Variants in PCDHA1 observed in about 807,000 individuals in gnomAD.
The protein encoded by PCDHA1 is protocadherin alpha-1.
A neutral mutation model predicts 61.3 loss-of-function variants in PCDHA1; 42 were observed. The observed-to-expected ratio is 0.69, with a 90% confidence interval of 0.54 to 0.89. PCDHA1 has a LOEUF of 0.89. Among genes scored for constraint, PCDHA1 ranks in the 40% least tolerant of loss-of-function variants. The pLI is 0.00. For missense variants in PCDHA1, 1,256 were observed against 1,235.3 expected, an observed-to-expected ratio of 1.02 and a Z score of -0.25; for synonymous variants, 610 against 553.8, an observed-to-expected ratio of 1.10 and a Z score of -1.43.
At chr5:140,940,557 T>C (rs1554213484) in intron 1 of PCDHA1, among the ~76,000 whole-genome samples, 1 of 152,204 alleles carries the variant, frequency 6.6e-6, no homozygotes. Context: ...CAAGTGATTC[T>C]CCTACCTTGG....
chr5:140,842,836 G>A (rs2150345985), intron 1 of PCDHA1: 2 of 1,593,818 alleles, frequency 1.3e-6, no homozygotes, highest in East Asian at 2.2e-5. Context: ...GCTCGCTGTC[G>A]AGCTACATTT....
At chr5:140,839,740 A>T (rs1357885958) in intron 1 of PCDHA1, among the ~76,000 whole-genome samples, 1 of 152,020 alleles carries the variant, frequency 6.6e-6, no homozygotes, top group Non-Finnish European at 1.5e-5. Flanking sequence ...AAATACCCTT[A>T]TTTGCCTTTC....
In PCDHA1 at chr5:141,009,945, A is replaced by C. The variant is rs2098415489; in HGVS notation, c.*8A>C. 5.0e-6 allele frequency: 8 copies of C among 1,596,112 alleles called. No homozygotes were observed. The highest frequency in any genetic ancestry group is 6.8e-6 in the Non-Finnish European group (8 of 1,173,736). On this transcript the variant is annotated 3_prime_UTR_variant, in exon 4 of 4. Coordinates refer to ENST00000504120, the MANE Select transcript of PCDHA1 (RefSeq NM_018900.4). ...GACAACAGTGACCAGTGAGGTCCTCAAATGGAAACAAGCCACTTAGCCAGT... is the reference window on the plus strand; with the variant it reads ...GACAACAGTGACCAGTGAGGTCCTCCAATGGAAACAAGCCACTTAGCCAGT...
At chr5:140,871,429 C>T in intron 1 of PCDHA1, 1 of 1,613,216 alleles carries the variant, frequency 6.2e-7, no homozygotes, top group Admixed American at 1.7e-5. Context: ...CCCCAGTCTT[C>T]CTCTAGGTCT....
At chr5:140,795,566 A>G (rs1761970175) in intron 1 of PCDHA1, 2 of 1,614,212 alleles carry the variant, frequency 1.2e-6, no homozygotes, top group Admixed American at 1.7e-5. Flanking sequence ...AAATCGCTGG[A>G]CAGAGAGGAA....
intron 3 of PCDHA1, among the ~76,000 whole-genome samples, chr5:141,001,942 TAAG>T (rs140166770): frequency 0.017 from 2,515 of 151,936 alleles, 63 homozygotes; most frequent in African/African-American, 0.058. Context: ...TGAGCGGAAA[TAAG>T]GAGGAGGGAG....
In PCDHA1 at chr5:140,849,693, A is replaced by C. The variant is rs2150445321; in HGVS notation, c.2394+61009A>C. 85 of 1,598,584 alleles carry C rather than the reference A, an allele frequency of 5.3e-5. 3 individuals are homozygous for C. The East Asian group carries it at 1.1e-3, about 21-fold the overall frequency. On this transcript the variant is annotated intron_variant, in intron 1 of 3. Coordinates refer to ENST00000504120, the MANE Select transcript of PCDHA1 (RefSeq NM_018900.4). ...CCACGTCCCCTTCAAGCTGGTGTCC[A>C]CCTACAAGAATTACTACTCGTTGGT...
chr5:140,904,738 A>T (rs1373664313), intron 1 of PCDHA1, among the ~76,000 whole-genome samples: 1 of 152,012 alleles, frequency 6.6e-6, no homozygotes, highest in African/African-American at 2.4e-5. Context: ...TTATTTTTTT[A>T]TTATGACCAT....
chr5:140,787,920 C>T lies in PCDHA1; in HGVS notation c.1630C>T (p.Pro544Ser), dbSNP rs782073700. The T allele has an allele frequency of 9.9e-6, 16 of 1,613,630 alleles. No homozygotes were observed. Among genetic ancestry groups the T allele is most frequent in the Non-Finnish European group, 1.4e-5 (16 of 1,179,912 alleles). The change falls in exon 1 of 4, where the codon CCT (proline) becomes TCT (serine). Residue 544 changes from proline to serine, a missense_variant. By Grantham distance (74) the Pro-to-Ser change is moderately conservative (BLOSUM62 -1). Transcript: ENST00000504120. ...QVSARDAGVP[P>S]LGSNVTLQVF... ...GAGCGCGCGGGATGCGGGCGTGCCGCCTCTGGGCAGCAACGTGACGCTGCA... is the reference window on the plus strand; with the variant it reads ...GAGCGCGCGGGATGCGGGCGTGCCGTCTCTGGGCAGCAACGTGACGCTGCA...
chr5:140,908,967 G>A (rs1039870615), intron 1 of PCDHA1, among the ~76,000 whole-genome samples: 10 of 152,076 alleles, frequency 6.6e-5, no homozygotes, highest in African/African-American at 2.4e-4. Context: ...ATCTTGATAG[G>A]CCCCACTCCA....
In PCDHA1 at chr5:140,807,403, A is replaced by G. The variant is rs3822350; in HGVS notation, c.2394+18719A>G. 3.1e-5 allele frequency: 44 copies of G among 1,410,564 alleles called. 2 individuals carry two copies. Among genetic ancestry groups the G allele is most frequent in the Admixed American group, 1.4e-4 (7 of 49,960 alleles). The allele number at this position is 1,410,564 out of a possible 1,614,324, so 87.4% of individuals were successfully genotyped here. A position where few individuals can be genotyped will look rare whatever the true frequency, so the allele number is the denominator to read the frequency against. On this transcript the variant is annotated intron_variant, in intron 1 of 3. Coordinates refer to ENST00000504120, the MANE Select transcript of PCDHA1 (RefSeq NM_018900.4). ...TCCGGGTGGCGTCCAAGGGCCGCGGAGGCCTTCTGGAGGTAAATCTGCAGA... is the reference window on the plus strand; with the variant it reads ...TCCGGGTGGCGTCCAAGGGCCGCGGGGGCCTTCTGGAGGTAAATCTGCAGA...
chr5:140,797,405 T>C (rs782339098), intron 1 of PCDHA1: 1 of 1,539,834 alleles, frequency 6.5e-7, no homozygotes, highest in South Asian at 1.2e-5. Context: ...TTTAAAAAAT[T>C]CTATATGATT....
At chr5:140,861,589 T>C in intron 1 of PCDHA1, 2 of 373,158 alleles carry the variant, frequency 5.4e-6, no homozygotes, top group South Asian at 4.9e-5. Context: ...CATGTGGAGG[T>C]GAAAGTGAAG....
chr5:140,862,916 G>A, intron 1 of PCDHA1: 1 of 547,890 alleles, frequency 1.8e-6, no homozygotes, highest in Non-Finnish European at 3.5e-6. Context: ...CTGGCGCCTT[G>A]GGTGGGCTGG....
In PCDHA1 at chr5:140,842,728, G is replaced by A. The variant is rs2150343168; in HGVS notation, c.2394+54044G>A. 2 of 1,595,050 alleles carry A rather than the reference G, an allele frequency of 1.3e-6. 1 individual carries two copies. Reference sequence around the variant, plus strand: ...CGGTGTTCGTGAAGGAGAACAACCCGCCGGGCTGCCACATCTTCACGGTGT... The same window carrying A: ...CGGTGTTCGTGAAGGAGAACAACCCACCGGGCTGCCACATCTTCACGGTGT... On this transcript the variant is annotated intron_variant, in intron 1 of 3. Transcript: ENST00000504120.
Position 140,883,846 on chromosome 5 carries a change from G to A in PCDHA1, c.2395-95103G>A, listed in dbSNP as rs782516685. On this transcript the variant is annotated intron_variant, in intron 1 of 3. Coordinates refer to ENST00000504120, the MANE Select transcript of PCDHA1 (RefSeq NM_018900.4). ...ACGCGCTGCAGCCGTTGGACCACGA[G>A]GAGCTGGAGCTGTTGCAGTTCCAGG... is the stretch of plus-strand genomic sequence containing the variant. The A allele has an allele frequency of 6.8e-6, 11 of 1,612,790 alleles. 1 individual carries two copies. In the Admixed American group the frequency reaches 1.7e-4, roughly 24 times the overall value.
chr5:140,980,395 G>T (rs182782153), intron 2 of PCDHA1, among the ~76,000 whole-genome samples: 4 of 152,316 alleles, frequency 2.6e-5, no homozygotes, highest in Non-Finnish European at 5.9e-5. Context: ...ACTTTGGGAG[G>T]CCGAGGTGGG....
At chr5:140,842,919 T>A in intron 1 of PCDHA1, 1 of 1,594,538 alleles carries the variant, frequency 6.3e-7, no homozygotes, top group Non-Finnish European at 8.6e-7. Flanking sequence ...CTGCTGCAGT[T>A]CCAGGTGAGC....
At chr5:140,890,374 A>G (rs1045149611) in intron 1 of PCDHA1, among the ~76,000 whole-genome samples, 1 of 152,000 alleles carries the variant, frequency 6.6e-6, no homozygotes, top group South Asian at 2.1e-4. Context: ...CTGAACAAGT[A>G]CTCTTTCTTA....
Sources: gnomAD v4.1 joint callset for allele counts (sites outside exome capture counted in the v4.1 genomes callset) on GRCh38, gnomAD v4.1.1 for gene constraint, MANE v1.5 for transcripts, NCBI Gene and HGNC (gene_info 2026-07-23, HGNC 2026-07-21) for gene names.